PCSK5: variants seen among roughly 807,000 people sequenced by gnomAD.
The protein encoded by PCSK5 is proprotein convertase subtilisin/kexin type 5, also known as prohormone convertase 5.
Under a neutral mutation model 233.2 loss-of-function variants are expected in PCSK5, and 129 were observed. The ratio of observed to expected loss-of-function variants is 0.55; its 90% confidence interval spans 0.48 to 0.64. The LOEUF is 0.64. Ranked by LOEUF, PCSK5 falls within the 30% of genes least tolerant of loss-of-function variation. The pLI, the probability that PCSK5 is intolerant of heterozygous loss-of-function variation, is 0.00. For missense variants in PCSK5, 2,076 were observed against 2,430.1 expected (o/e 0.85, Z 3.06); for synonymous variants, 825 against 879.2 (o/e 0.94, Z 1.09).
At position 76,362,409 on chromosome 9, in the gene PCSK5, C is replaced by A. The variant is rs1830443944; in HGVS notation, c.*3487C>A. 1 of 152,140 alleles carries A rather than the reference C, an allele frequency of 6.6e-6. No individual in the cohort carries two copies. The highest frequency in any genetic ancestry group is 6.5e-5 in the Admixed American group (1 of 15,270). The allele number at this position is 152,140 out of a possible 1,614,324, so 9.4% of individuals were successfully genotyped here. On this transcript the variant is annotated 3_prime_UTR_variant, in exon 38 of 38. Coordinates refer to ENST00000674117, the MANE Select transcript of PCSK5 (RefSeq NM_001372043.1). Reference sequence around the variant, plus strand: ...TTTTATGTGCTTAGCATTACATTTTCCAAGTAAGAGATACACAACAAGAGT... The same window carrying A: ...TTTTATGTGCTTAGCATTACATTTTACAAGTAAGAGATACACAACAAGAGT...
chr9:76,292,134 C>A, intron 24 of PCSK5, 99 bp from the exon 25 acceptor site: 1 of 740,292 alleles, frequency 1.4e-6, no homozygotes, highest in Non-Finnish European at 2.4e-6. Context: ...ATGAAACTAT[C>A]CCACAGGATT....
intron 7 of PCSK5, among the ~76,000 whole-genome samples, chr9:76,080,031 G>A (rs139864448): frequency 9.9e-5 from 15 of 152,244 alleles, no homozygotes; most frequent in Middle Eastern, 3.4e-3. Context: ...TAGCTTTGAT[G>A]TGCTGCTGGA....
At chr9:76,034,360 C>A (rs2131512729) in intron 5 of PCSK5, among the ~76,000 whole-genome samples, 2 of 152,232 alleles carry the variant, frequency 1.3e-5, no homozygotes, top group Middle Eastern at 6.8e-3. Context: ...CTGGTCTTCC[C>A]CTATCCTGCT....
intron 2 of PCSK5, among the ~76,000 whole-genome samples, chr9:75,959,562 C>T (rs756980828): frequency 6.6e-6 from 1 of 152,174 alleles, no homozygotes; most frequent in African/African-American, 2.4e-5. Flanking sequence ...CCCCCTGCTC[C>T]CTACCCAGAT....
At chr9:75,986,709 T>TC (rs1563956589) in intron 3 of PCSK5, among the ~76,000 whole-genome samples, 1 of 152,174 alleles carries the variant, frequency 6.6e-6, no homozygotes, top group Non-Finnish European at 1.5e-5. Flanking sequence ...ATGTGTGCAC[T>TC]CTCACTTTAG....
intron 5 of PCSK5, among the ~76,000 whole-genome samples, chr9:76,055,093 G>A (rs1332197788): frequency 1.3e-5 from 2 of 151,940 alleles, no homozygotes; most frequent in Non-Finnish European, 2.9e-5. Context: ...ATTCCCGATG[G>A]CCAAAATGAG....
rs1259517240 is a variant in PCSK5 at position 76,121,868 on chromosome 9, G to A, written c.1209-12241G>A. The stretch of plus-strand genomic sequence containing the variant: ...AGACGGAGTCTCGCTCTGTCGCCCA[G>A]GCTGGAGTGCAGTGGCGGGATCTCG... On this transcript the variant is annotated intron_variant, in intron 9 of 37. Transcript: ENST00000674117. 7.3e-5 allele frequency among the ~76,000 whole-genome samples: 3 copies of A among 40,878 alleles called. 1 individual carries two copies. The highest frequency in any genetic ancestry group is 1.9e-4 in the Non-Finnish European group (3 of 15,820). The allele number at this position is 40,878 out of a possible 152,430, so 26.8% of individuals were successfully genotyped here. A position where few individuals can be genotyped will look rare whatever the true frequency, so the allele number is the denominator to read the frequency against.
intron 2 of PCSK5, among the ~76,000 whole-genome samples, chr9:75,946,322 T>C (rs1324620508): frequency 2.0e-5 from 3 of 152,186 alleles, no homozygotes; most frequent in African/African-American, 7.2e-5. Flanking sequence ...ATCAATTGCA[T>C]TTAGGATATT....
chr9:76,351,531 AGG>A (rs1215958935), intron 36 of PCSK5, among the ~76,000 whole-genome samples: 1 of 85,844 alleles, frequency 1.2e-5, no homozygotes, highest in African/African-American at 3.7e-5. Flanking sequence ...AAAGAAAGAA[AGG>A]AAGGAAAGAA....
rs756594516 is a variant in PCSK5, at chr9:76,157,153, G to T, written c.1421G>T (p.Arg474Leu). The change falls in exon 11 of 38, where the codon CGA becomes CTA. Residue 474 changes from arginine to leucine, a missense_variant. This residue lies in a region of PCSK5 where 64 missense variants were observed against 68.6 expected (regional missense o/e 0.93). Coordinates refer to ENST00000674117, the MANE Select transcript of PCSK5 (RefSeq NM_001372043.1). ...RQHVCVESTD[R>L]QIKTIRPNSA... ...CACGTGTGTGTGGAGAGCACAGACC[G>T]ACAAATCAAGTAATGCTTGCTGCCG... 1.9e-6 allele frequency: 3 copies of T among 1,608,482 alleles called. No individual in the cohort carries two copies. The highest frequency in any genetic ancestry group is 2.7e-5 in the African/African-American group (2 of 74,792).
At chr9:76,181,965 G>A (rs186288416) in intron 16 of PCSK5, among the ~76,000 whole-genome samples, 53 of 152,282 alleles carry the variant, frequency 3.5e-4, no homozygotes, top group African/African-American at 1.2e-3. Context: ...GCGTGACGAC[G>A]TGCATGAAAT....
intron 2 of PCSK5, among the ~76,000 whole-genome samples, chr9:75,977,734 C>A (rs1019912638): frequency 6.6e-6 from 1 of 151,684 alleles, no homozygotes; most frequent in Non-Finnish European, 1.5e-5. Flanking sequence ...CCTCATCCCC[C>A]CAAGTAGCTG....
chr9:75,943,031 C>A (rs963061111), intron 2 of PCSK5, among the ~76,000 whole-genome samples: 5 of 151,732 alleles, frequency 3.3e-5, no homozygotes, highest in Non-Finnish European at 5.9e-5. Context: ...ATTACAGGCG[C>A]TCGCCACCAC....
At chr9:76,151,008 T>TTA (rs1823650862) in intron 10 of PCSK5, among the ~76,000 whole-genome samples, 2 of 142,310 alleles carry the variant, frequency 1.4e-5, no homozygotes, top group African/African-American at 5.2e-5. Context: ...CTTTTTACAT[T>TTA]AAAAAAAAAA....
At chr9:76,150,390 T>C (rs1823621832) in intron 10 of PCSK5, among the ~76,000 whole-genome samples, 1 of 151,924 alleles carries the variant, frequency 6.6e-6, no homozygotes, top group Non-Finnish European at 1.5e-5. Context: ...TCCCAAAAGT[T>C]TGGGAGGCTG....
intron 22 of PCSK5, among the ~76,000 whole-genome samples, chr9:76,238,393 T>A (rs1278848606): frequency 6.6e-6 from 1 of 152,022 alleles, no homozygotes; most frequent in African/African-American, 2.4e-5. Context: ...CGTAAAAGAG[T>A]CAAAGAAGTG....
chr9:75,986,359 A>T, intron 3 of PCSK5, 114 bp downstream of exon 3: 1 of 653,836 alleles, frequency 1.5e-6, no homozygotes, highest in Admixed American at 2.6e-5. Context: ...ATTGTTTCCT[A>T]TTTTAATACC....
intron 1 of PCSK5, among the ~76,000 whole-genome samples, chr9:75,923,502 G>A (rs1387485505): frequency 6.6e-6 from 1 of 152,030 alleles, no homozygotes; most frequent in African/African-American, 2.4e-5. Flanking sequence ...AGCTATATTG[G>A]TATAACTATT....
chr9:76,099,750 C>A (rs749941279), intron 8 of PCSK5, among the ~76,000 whole-genome samples: 3 of 152,148 alleles, frequency 2.0e-5, no homozygotes, highest in Non-Finnish European at 4.4e-5. Flanking sequence ...CTCGGTGATG[C>A]CCGCATCCTG....
Sources: allele counts gnomAD v4.1 joint callset (sites outside exome capture counted in the v4.1 genomes callset), GRCh38; gene constraint gnomAD v4.1.1; regional missense constraint gnomAD v4.1.1; transcripts MANE v1.5; gene names NCBI Gene and HGNC (gene_info 2026-07-23, HGNC 2026-07-21).